CHN2: variants seen among roughly 807,000 people sequenced by gnomAD.
CHN2 encodes chimerin 2.
In CHN2, 35 loss-of-function variants were observed where a neutral mutation model predicts 56.3. The ratio of observed to expected loss-of-function variants is 0.62; its 90% CI spans 0.47 to 0.82. The LOEUF (loss-of-function observed/expected upper bound fraction) is 0.82. Among genes scored for constraint, CHN2 ranks in the 40% least tolerant of loss-of-function variants. The pLI, the probability that CHN2 is intolerant of heterozygous loss-of-function variation, is 0.00. For missense variants in CHN2, 491 were observed against 580.5 expected (o/e 0.85, Z 1.58); for synonymous variants, 210 against 212.8 (o/e 0.99, Z 0.12).
intron 1 of CHN2, among the ~76,000 whole-genome samples, chr7:29,222,949 T>C (rs1292636477): frequency 2.0e-5 from 3 of 152,178 alleles, no homozygotes; most frequent in Middle Eastern, 3.2e-3. Flanking sequence ...GTTACAGATA[T>C]ATGCATATCT....
intron 3 of CHN2, among the ~76,000 whole-genome samples, chr7:29,373,939 C>A (rs1260295063): frequency 2.6e-5 from 4 of 152,064 alleles, no homozygotes; most frequent in Non-Finnish European, 5.9e-5. Context: ...AAACAAAGTG[C>A]ATTTGGGGGA....
intron 6 of CHN2, among the ~76,000 whole-genome samples, chr7:29,413,757 C>G (rs1003439565): frequency 1.3e-5 from 2 of 152,336 alleles, no homozygotes; most frequent in Non-Finnish European, 2.9e-5. Flanking sequence ...ACAGGCTGTA[C>G]TTTCCACTGG....
intron 2 of CHN2, among the ~76,000 whole-genome samples, chr7:29,152,125 A>C (rs1793683620): frequency 6.6e-6 from 1 of 152,222 alleles, no homozygotes; most frequent in Non-Finnish European, 1.5e-5. Context: ...TAGCCTCTGA[A>C]GGGTTTTCCA....
chr7:29,164,607 C>G (rs1795648745), intron 2 of CHN2, among the ~76,000 whole-genome samples: 1 of 151,612 alleles, frequency 6.6e-6, no homozygotes, highest in Non-Finnish European at 1.5e-5. Flanking sequence ...ATGGCAAAAC[C>G]CCATCTCTAC....
chr7:29,459,820 A>C (rs1785021202), intron 6 of CHN2, among the ~76,000 whole-genome samples: 1 of 152,200 alleles, frequency 6.6e-6, no homozygotes, highest in Non-Finnish European at 1.5e-5. Flanking sequence ...CAAGTGGTAG[A>C]AGAAGCCCGA....
chr7:29,442,679 A>G (rs1022305591), intron 6 of CHN2, among the ~76,000 whole-genome samples: 5 of 152,154 alleles, frequency 3.3e-5, no homozygotes, highest in Non-Finnish European at 7.3e-5. Context: ...TCCCACATGC[A>G]AGAGTGTCAT....
At chr7:29,348,856 A>C (rs913617308) in intron 1 of CHN2, among the ~76,000 whole-genome samples, 4 of 152,212 alleles carry the variant, frequency 2.6e-5, no homozygotes, top group African/African-American at 9.6e-5. Context: ...AAGTAAGCAG[A>C]AGAAGAAAAT....
intron 3 of CHN2, among the ~76,000 whole-genome samples, chr7:29,377,836 G>A (rs924488716): frequency 1.3e-5 from 2 of 152,196 alleles, no homozygotes; most frequent in Non-Finnish European, 2.9e-5. Flanking sequence ...CTGCTTCAAC[G>A]ATAGTATCTT....
chr7:29,427,165 A>G (rs114835866), intron 6 of CHN2, among the ~76,000 whole-genome samples: 1,929 of 152,216 alleles, frequency 0.013, 47 homozygotes, highest in African/African-American at 0.043. Context: ...TAAAAATACA[A>G]ATATTAGTTG....
chr7:29,490,049 A>G (rs568887777), intron 7 of CHN2, among the ~76,000 whole-genome samples: 1 of 151,782 alleles, frequency 6.6e-6, no homozygotes, highest in Non-Finnish European at 1.5e-5. Flanking sequence ...AGATATAGGG[A>G]TATTTAAGAT....
Position 29,513,582 on chromosome 7 carries a change from C to G in CHN2, c.*847C>G, listed in dbSNP as rs1039060765. 6.0e-5 allele frequency: 9 copies of G among 149,472 alleles called. No homozygotes were observed. The highest frequency in any genetic ancestry group is 1.3e-4 in the Non-Finnish European group (9 of 67,616). The allele number at this position is 149,472 out of a possible 1,614,324, so 9.3% of individuals were successfully genotyped here. The stretch of plus-strand genomic sequence containing the variant: ...TTTTACCTGAAATTATTTGAGAACA[C>G]TGGATGTATCTGGTCTGTGTAAAAA... On this transcript the variant is annotated 3_prime_UTR_variant, in exon 13 of 13. Coordinates refer to ENST00000222792, the MANE Select transcript of CHN2 (RefSeq NM_004067.4).
At chr7:29,495,866 CT>C in intron 7 of CHN2, 85 bp from the exon 8 acceptor site, 5 of 1,097,240 alleles carry the variant, frequency 4.6e-6, no homozygotes, top group Non-Finnish European at 6.9e-6. Flanking sequence ...GGGATCGCTC[CT>C]GCTGATCTTC....
Position 29,171,138 on chromosome 7 carries a change from TC to T in CHN2, c.274+24184del, listed in dbSNP as rs371817621. Among the ~76,000 whole-genome samples the T allele has an allele frequency of 9.1e-4, 139 of 152,192 alleles. 1 individual carries two copies. The highest frequency in any genetic ancestry group is 3.4e-3 in the Middle Eastern group (1 of 294). Reference sequence around the variant, plus strand: ...TGCTGGACATAATGAACTGCCGGTTTCCCCCCAGTTCTGACTCTTGCCTGCA... The same window carrying T: ...TGCTGGACATAATGAACTGCCGGTTTCCCCCAGTTCTGACTCTTGCCTGCA... On this transcript the variant is annotated intron_variant, in intron 2 of 6. Coordinates refer to the CHN2 transcript ENST00000439384.
chr7:29,386,895 A>G (rs1800955323), intron 3 of CHN2, among the ~76,000 whole-genome samples: 1 of 152,246 alleles, frequency 6.6e-6, no homozygotes, highest in South Asian at 2.1e-4. Context: ...CCTAGCAAAG[A>G]AAACTGAAGA....
intron 1 of CHN2, among the ~76,000 whole-genome samples, chr7:29,304,075 A>G (rs921576840): frequency 5.5e-5 from 8 of 145,360 alleles, no homozygotes; most frequent in African/African-American, 2.0e-4. Context: ...AAAAAAAAAA[A>G]GTAGCAAAAG....
intron 6 of CHN2, among the ~76,000 whole-genome samples, chr7:29,415,212 G>A (rs1019935995): frequency 2.6e-5 from 4 of 152,188 alleles, no homozygotes; most frequent in Admixed American, 6.5e-5. Flanking sequence ...GAAAGAAGTG[G>A]ACTCTTTCTG....
intron 2 of CHN2, among the ~76,000 whole-genome samples, chr7:29,175,221 C>G (rs1797139461): frequency 6.6e-6 from 1 of 151,326 alleles, no homozygotes; most frequent in Non-Finnish European, 1.5e-5. Flanking sequence ...GTCACCCAGG[C>G]TGGAGTGTAG....
intron 1 of CHN2, among the ~76,000 whole-genome samples, chr7:29,317,550 C>G (rs1435520118): frequency 6.6e-6 from 1 of 152,212 alleles, no homozygotes; most frequent in African/African-American, 2.4e-5. Flanking sequence ...AGGTGATATA[C>G]ATGCATATCG....
At chr7:29,511,539 CTGTGGGCACTTTGATGG>C (rs1791399670) in intron 12 of CHN2, among the ~76,000 whole-genome samples, 1 of 152,154 alleles carries the variant, frequency 6.6e-6, no homozygotes, top group Non-Finnish European at 1.5e-5. Flanking sequence ...TAAGAGGAAA[CTGTGGGCACTTTGATGG>C]TGAGAAACGT....
Sources: allele counts gnomAD v4.1 joint callset (sites outside exome capture counted in the v4.1 genomes callset), GRCh38; gene constraint gnomAD v4.1.1; transcripts MANE v1.5; gene names NCBI Gene and HGNC (gene_info 2026-07-23, HGNC 2026-07-21).